The following TTLL11 variants were observed in gnomAD, a reference collection of about 807,000 sequenced individuals.
TTLL11 encodes tubulin polyglutamylase TTLL11.
TTLL11 carries 42 observed loss-of-function variants against 51.7 expected under a neutral mutation model. The ratio of observed to expected loss-of-function variants is 0.81; its 90% CI spans 0.64 to 1.05. The LOEUF (loss-of-function observed/expected upper bound fraction) is 1.05, where lower values mean the gene tolerates loss of function less well. Among genes scored for constraint, TTLL11 ranks in the 50% least tolerant of loss-of-function variants. The pLI is 0.00. For missense variants in TTLL11, 799 were observed against 940.4 expected (o/e 0.85, Z 1.97); for synonymous variants, 381 against 383.5 (o/e 0.99, Z 0.08).
At chr9:121,985,827 A>T (rs1374462167) in intron 4 of TTLL11, among the ~76,000 whole-genome samples, 1 of 152,244 alleles carries the variant, frequency 6.6e-6, no homozygotes, top group South Asian at 2.1e-4. Context: ...GCCCAAGGAT[A>T]CCATTTTCTC....
intron 6 of TTLL11, among the ~76,000 whole-genome samples, chr9:121,942,738 A>ATTTTTT (rs34352222): frequency 2.0e-5 from 2 of 97,902 alleles, no homozygotes; most frequent in Non-Finnish European, 4.2e-5. Flanking sequence ...AATCTGTCTT[A>ATTTTTT]TTTTTTTTTT....
chr9:121,964,285 C>CTTTTTTTTTGTT (rs143673197), intron 6 of TTLL11, among the ~76,000 whole-genome samples: 11,236 of 150,758 alleles, frequency 0.075, 633 homozygotes, highest in African/African-American at 0.16. Context: ...ATTTCTTTTC[C>CTTTTTTTTTGTT]TTTTTTTTGT....
chr9:122,056,791 T>C (rs1268268478), intron 1 of TTLL11, among the ~76,000 whole-genome samples: 2 of 152,178 alleles, frequency 1.3e-5, no homozygotes, highest in South Asian at 2.1e-4. Context: ...CACCTCCTGA[T>C]ATCAGTGACC....
chr9:121,881,811 T>G (rs1588091547), intron 6 of TTLL11, among the ~76,000 whole-genome samples: 1 of 152,198 alleles, frequency 6.6e-6, no homozygotes, highest in Non-Finnish European at 1.5e-5. Flanking sequence ...AGTGAGCCCC[T>G]CCTTTGGGCC....
intron 6 of TTLL11, among the ~76,000 whole-genome samples, chr9:121,917,619 AG>A (rs1289394323): frequency 8.0e-6 from 1 of 125,778 alleles, no homozygotes; most frequent in Non-Finnish European, 1.6e-5. Context: ...GAGGGAGGGA[AG>A]GGGAGGGAAG....
At chr9:121,954,143 C>T (rs1467109477) in intron 6 of TTLL11, among the ~76,000 whole-genome samples, 1 of 152,236 alleles carries the variant, frequency 6.6e-6, no homozygotes, top group Non-Finnish European at 1.5e-5. Context: ...GGTCTCCCAA[C>T]ACTAGTATTG....
intron 4 of TTLL11, among the ~76,000 whole-genome samples, chr9:121,976,603 A>G (rs1396750034): frequency 6.6e-6 from 1 of 152,216 alleles, no homozygotes; most frequent in Non-Finnish European, 1.5e-5. Context: ...GATGAGGGAA[A>G]TCCATTTACT....
intron 1 of TTLL11, among the ~76,000 whole-genome samples, chr9:122,075,840 T>C (rs1564387318): frequency 6.6e-6 from 1 of 152,222 alleles, no homozygotes; most frequent in Non-Finnish European, 1.5e-5. Context: ...GCTCTCTATT[T>C]CTGGACTGGG....
Position 122,083,289 on chromosome 9 carries a change from C to T in TTLL11, c.462+9398G>A, listed in dbSNP as rs546260830. ...GACGTTTTAAAAACCAGTGCAAATT[C>T]ACCACCACATGCTCTTTCCCTCCCT... On this transcript the variant is annotated intron_variant, in intron 1 of 8. Transcript: ENST00000321582. 4.9e-4 allele frequency among the ~76,000 whole-genome samples: 74 copies of T among 152,132 alleles called. No homozygotes were observed. The Middle Eastern group carries it at 0.01, about 21-fold the overall frequency.
intron 6 of TTLL11, among the ~76,000 whole-genome samples, chr9:121,924,417 C>A (rs1379074022): frequency 6.6e-6 from 1 of 152,242 alleles, no homozygotes; most frequent in Non-Finnish European, 1.5e-5. Flanking sequence ...CTGGCTGACT[C>A]CCATTTCCTG....
intron 7 of TTLL11, among the ~76,000 whole-genome samples, chr9:121,866,659 C>CAAAA (rs10656322): frequency 3.2e-4 from 41 of 129,212 alleles, no homozygotes; most frequent in African/African-American, 1.2e-3. Context: ...GACTCCATCT[C>CAAAA]AAAAAAAAAA....
intron 6 of TTLL11, among the ~76,000 whole-genome samples, chr9:121,972,732 C>A (rs931403328): frequency 6.6e-6 from 1 of 152,254 alleles, no homozygotes; most frequent in Non-Finnish European, 1.5e-5. Flanking sequence ...GTGGCCAGGC[C>A]TTCCACCCAG....
intron 4 of TTLL11, among the ~76,000 whole-genome samples, chr9:121,977,357 A>C (rs1275682946): frequency 6.6e-6 from 1 of 152,210 alleles, no homozygotes; most frequent in African/African-American, 2.4e-5. Flanking sequence ...TGAGGATAAC[A>C]ATAGCTATCT....
chr9:122,020,381 TTC>T (rs1320300518), intron 3 of TTLL11, among the ~76,000 whole-genome samples: 1 of 152,230 alleles, frequency 6.6e-6, no homozygotes, highest in Non-Finnish European at 1.5e-5. Context: ...TTTACTCCTT[TTC>T]TCTGGAACAT....
At chr9:121,969,671 G>A (rs1038097903) in intron 6 of TTLL11, among the ~76,000 whole-genome samples, 1 of 152,134 alleles carries the variant, frequency 6.6e-6, no homozygotes, top group African/African-American at 2.4e-5. Flanking sequence ...GGGAAAGGCT[G>A]GGATTCCATT....
chr9:121,961,743 C>A (rs1193192352), intron 6 of TTLL11, among the ~76,000 whole-genome samples: 1 of 152,138 alleles, frequency 6.6e-6, no homozygotes, highest in Non-Finnish European at 1.5e-5. Context: ...GAGAAAGGGG[C>A]AATAACTGCC....
chr9:121,871,704 T>C (rs1394031511), intron 6 of TTLL11, among the ~76,000 whole-genome samples: 1 of 152,214 alleles, frequency 6.6e-6, no homozygotes, highest in Non-Finnish European at 1.5e-5. Flanking sequence ...TTCTGGCACT[T>C]GAGGCCCTTC....
At chr9:122,005,531 G>T (rs1843617432) in intron 3 of TTLL11, among the ~76,000 whole-genome samples, 1 of 152,112 alleles carries the variant, frequency 6.6e-6, no homozygotes, top group South Asian at 2.1e-4. Context: ...CTTCTTGCTG[G>T]TGCCCTCTCT....
At position 122,010,803 on chromosome 9, in the gene TTLL11, G is replaced by C. The variant is rs561533913; in HGVS notation, c.693+20920C>G. On this transcript the variant is annotated intron_variant, in intron 3 of 8. Coordinates refer to ENST00000321582, the MANE Select transcript of TTLL11 (RefSeq NM_001139442.2). ...ATCTGCCAAAATGTCCTCAAAATCA[G>C]AGTTGTAGTTTACATGATAGTTAAA... is the stretch of plus-strand genomic sequence containing the variant. 2.0e-5 allele frequency among the ~76,000 whole-genome samples: 3 copies of C among 152,274 alleles called. No homozygotes were observed. The East Asian group carries it at 5.8e-4, about 29-fold the overall frequency.
Sources: gnomAD v4.1 joint callset for allele counts (sites outside exome capture counted in the v4.1 genomes callset) on GRCh38, gnomAD v4.1.1 for gene constraint, MANE v1.5 for transcripts, NCBI Gene and HGNC (gene_info 2026-07-23, HGNC 2026-07-21) for gene names.